Variants in DLEU7 observed in about 807,000 individuals in gnomAD.
The protein encoded by DLEU7 is deleted in lymphocytic leukemia 7, also known as leukemia-associated protein 7.
In DLEU7, 17 loss-of-function variants were observed where a neutral mutation model predicts 16.0. That is an observed-to-expected ratio of 1.06 (90% CI 0.73 to 1.59). The LOEUF (loss-of-function observed/expected upper bound fraction) is 1.59, where lower values mean the gene tolerates loss of function less well. Ranked by LOEUF, DLEU7 falls within the 40% of genes most tolerant of loss-of-function variation. DLEU7 has a pLI of 0.00. For synonymous variants in DLEU7, 113 were observed against 139.8 expected, an observed-to-expected ratio of 0.81 and a Z score of 1.35; for missense variants, 308 against 314.9, an observed-to-expected ratio of 0.98 and a Z score of 0.17.
chr13:50,725,233 C>T (rs1873735223), intron 1 of DLEU7, among the ~76,000 whole-genome samples: 1 of 152,162 alleles, frequency 6.6e-6, no homozygotes, highest in African/African-American at 2.4e-5. Context: ...TCCCAATCTT[C>T]TCCAGCCAGC....
At chr13:50,792,991 C>T (rs1876008854) in intron 1 of DLEU7, among the ~76,000 whole-genome samples, 1 of 151,880 alleles carries the variant, frequency 6.6e-6, no homozygotes, top group South Asian at 2.1e-4. Flanking sequence ...GAATATAATA[C>T]CCCACAGGTA....
In DLEU7 at chr13:50,843,667, C is replaced by T; in HGVS notation, c.-21G>A. The T allele has an allele frequency of 6.7e-7, 1 of 1,497,218 alleles. No homozygotes were observed. The highest frequency in any genetic ancestry group is 2.2e-5 in the Admixed American group (1 of 44,872). The allele number at this position is 1,497,218 out of a possible 1,614,324, so 92.7% of individuals were successfully genotyped here. On this transcript the variant is annotated 5_prime_UTR_variant, in exon 1 of 2. Coordinates refer to ENST00000504404, the MANE Select transcript of DLEU7 (RefSeq NM_001306135.2). The surrounding 1 kb of genome is among the most constrained non-coding windows in gnomAD (Gnocchi z 5.7). ...GCCATCGCCTCCGCTGGCGGCCCGG[C>T]GCGCTCCGCGTGCAGGTGGAGCAGC...
At chr13:50,791,861 C>T (rs1875968687) in intron 1 of DLEU7, among the ~76,000 whole-genome samples, 1 of 152,216 alleles carries the variant, frequency 6.6e-6, no homozygotes, top group African/African-American at 2.4e-5. Flanking sequence ...ATTTTCTTGG[C>T]TGCTCTTTGA....
At chr13:50,807,153 A>T (rs1314688000) in intron 1 of DLEU7, among the ~76,000 whole-genome samples, 1 of 151,732 alleles carries the variant, frequency 6.6e-6, no homozygotes, top group Non-Finnish European at 1.5e-5. Flanking sequence ...TTATCTTTAA[A>T]TTTTTTTATA....
chr13:50,759,443 G>A (rs866324035), intron 1 of DLEU7, among the ~76,000 whole-genome samples: 3 of 152,188 alleles, frequency 2.0e-5, no homozygotes, highest in Admixed American at 6.5e-5. Flanking sequence ...AACTAAATGT[G>A]TGGCAGAAAT....
intron 1 of DLEU7, among the ~76,000 whole-genome samples, chr13:50,785,308 A>G (rs1875769588): frequency 6.6e-6 from 1 of 152,208 alleles, no homozygotes; most frequent in South Asian, 2.1e-4. Context: ...TTTTAGATTA[A>G]ATCAGAAGAT....
In DLEU7 at chr13:50,843,657, G is replaced by A. The variant is rs1593422029; in HGVS notation, c.-11C>T. On this transcript the variant is annotated 5_prime_UTR_variant, in exon 1 of 2. Coordinates refer to ENST00000504404, the MANE Select transcript of DLEU7 (RefSeq NM_001306135.2). The surrounding 1 kb of genome is among the most constrained non-coding windows in gnomAD (Gnocchi z 5.7). ...CGCAGGGCTGGCCATCGCCTCCGCT[G>A]GCGGCCCGGCGCGCTCCGCGTGCAG... is the stretch of plus-strand genomic sequence containing the variant. The A allele has an allele frequency of 6.7e-7, 1 of 1,501,308 alleles. No individual in the cohort carries two copies. 93.0% of individuals were successfully genotyped at this position (1,501,308 alleles called of 1,614,324 possible).
At chr13:50,756,911 T>C (rs1302663907) in intron 1 of DLEU7, among the ~76,000 whole-genome samples, 1 of 152,156 alleles carries the variant, frequency 6.6e-6, no homozygotes, top group East Asian at 1.9e-4. Context: ...CCTCTACCCC[T>C]GTATTTTGCT....
Position 50,718,451 on chromosome 13 carries a change from G to A in DLEU7, c.460-5211C>T, listed in dbSNP as rs1250516104. Among the ~76,000 whole-genome samples the A allele has an allele frequency of 2.0e-5, 3 of 152,196 alleles. No individual in the cohort carries two copies. In the South Asian group the frequency reaches 6.2e-4, roughly 31 times the overall value. On this transcript the variant is annotated intron_variant, in intron 1 of 1. Coordinates refer to the DLEU7 transcript ENST00000400393. ...TGAAGACCAAAGGCTCCCCACTCTG[G>A]TGATTAGAATGAGGGGCTATTGGCT...
Position 50,823,095 on chromosome 13 carries a change from A to G in DLEU7, c.*219T>C. 1 of 1,346,512 alleles carries G rather than the reference A, an allele frequency of 7.4e-7. No homozygotes were observed. Among genetic ancestry groups the G allele is most frequent in the Non-Finnish European group, 9.5e-7 (1 of 1,047,960 alleles). The allele number at this position is 1,346,512 out of a possible 1,614,324, so 83.4% of individuals were successfully genotyped here. A position where few individuals can be genotyped will look rare whatever the true frequency, so the allele number is the denominator to read the frequency against. On this transcript the variant is annotated 3_prime_UTR_variant, in exon 2 of 2. Transcript: ENST00000504404. ...AATCAGAAAGTCAGCAAATAGGTCA[A>G]TATACTTAAAAATATGAACTACTGC...
At position 50,798,698 on chromosome 13, in the gene DLEU7, T is replaced by C. The variant is rs550318243; in HGVS notation, c.459+44490A>G. Among the ~76,000 whole-genome samples the C allele has an allele frequency of 8.5e-5, 13 of 152,348 alleles. No homozygotes were observed. In the East Asian group the frequency reaches 2.5e-3, roughly 29 times the overall value. ...TCTCTGAGGCTGTCCGGGTCTCATG[T>C]CAACCTCCAGGCCACTCTAGAAATG... On this transcript the variant is annotated intron_variant, in intron 1 of 1. Coordinates refer to the DLEU7 transcript ENST00000400393.
At chr13:50,788,127 C>T (rs1464414572) in intron 1 of DLEU7, among the ~76,000 whole-genome samples, 3 of 152,174 alleles carry the variant, frequency 2.0e-5, no homozygotes, top group African/African-American at 4.8e-5. Flanking sequence ...TGAGTTCCAC[C>T]GGACCTCGCA....
intron 1 of DLEU7, among the ~76,000 whole-genome samples, chr13:50,776,095 C>T (rs2137761344): frequency 6.6e-6 from 1 of 152,214 alleles, no homozygotes; most frequent in East Asian, 1.9e-4. Flanking sequence ...GTCATTTTTA[C>T]AATACCTGTT....
At chr13:50,822,604 T>C (rs1876947909), downstream of DLEU7, 9 of 980,582 alleles carry the variant, frequency 9.2e-6, no homozygotes, top group Non-Finnish European at 1.1e-5. Flanking sequence ...AATCAGAATA[T>C]TTAGAAACAG....
chr13:50,712,583 G>A (rs1873322391), exon 2 of DLEU7: 1 of 152,624 alleles, frequency 6.6e-6, no homozygotes. Context: ...GTGTTTACTG[G>A]CAGCAACAAG....
In DLEU7 at chr13:50,823,726, G is replaced by A. The variant is rs1876991643; in HGVS notation, c.460-206C>T. ...CAGGGCCCAGGCCAATCACAGTGTGGACTGATCAGAATGGACAGATGATCT... is the reference window on the plus strand; with the variant it reads ...CAGGGCCCAGGCCAATCACAGTGTGAACTGATCAGAATGGACAGATGATCT... On this transcript the variant is annotated intron_variant, in intron 1 of 1. Transcript: ENST00000504404. 1.3e-5 allele frequency among the ~76,000 whole-genome samples: 2 copies of A among 152,182 alleles called. 1 individual carries two copies. Among genetic ancestry groups the A allele is most frequent in the South Asian group, 4.1e-4 (2 of 4,824 alleles).
At chr13:50,842,978 GC>G (rs57440523) in intron 1 of DLEU7, among the ~76,000 whole-genome samples, 3,130 of 152,242 alleles carry the variant, frequency 0.021, 96 homozygotes, top group African/African-American at 0.067. Context: ...TGCCAGCCAG[GC>G]GGGCCTCAGG....
At chr13:50,811,358 A>G (rs899514464) in intron 1 of DLEU7, among the ~76,000 whole-genome samples, 3 of 152,136 alleles carry the variant, frequency 2.0e-5, no homozygotes, top group African/African-American at 7.2e-5. Flanking sequence ...CATATATGCC[A>G]GACTTCTTAC....
chr13:50,714,551 A>T (rs757480489), intron 1 of DLEU7, among the ~76,000 whole-genome samples: 1 of 152,214 alleles, frequency 6.6e-6, no homozygotes, highest in Non-Finnish European at 1.5e-5. Flanking sequence ...TTCTCAGGAG[A>T]TGTCATCTGC....
Sources: gnomAD v4.1 joint callset for allele counts (sites outside exome capture counted in the v4.1 genomes callset) on GRCh38, gnomAD v4.1.1 for gene constraint, Gnocchi (gnomAD v3.1) non-coding constraint, MANE v1.5 for transcripts, NCBI Gene and HGNC (gene_info 2026-07-23, HGNC 2026-07-21) for gene names.